The following ZNF292 variants were observed in gnomAD, a reference collection of about 807,000 sequenced individuals.
ZNF292 encodes the protein 16 zinc-finger domain protein.
In ZNF292, 26 loss-of-function variants were observed where a neutral mutation model predicts 217.9. The observed-to-expected ratio is 0.12, with a 90% CI of 0.09 to 0.17. The LOEUF (loss-of-function observed/expected upper bound fraction) is 0.17. ZNF292 is among the 10% of genes least tolerant of loss of function. The pLI is 1.00. For synonymous variants in ZNF292, 1,257 were observed against 1,124.1 expected (o/e 1.12, Z -2.37); for missense variants, 2,904 against 3,175.2 (o/e 0.91, Z 2.05).
chr6:87,176,735 C>G (rs1771309254), intron 1 of ZNF292, among the ~76,000 whole-genome samples: 1 of 152,174 alleles, frequency 6.6e-6, no homozygotes, highest in African/African-American at 2.4e-5. Flanking sequence ...GGTTGATAAT[C>G]CATGCTTTAC....
At chr6:87,174,871 A>G (rs187232220) in intron 1 of ZNF292, among the ~76,000 whole-genome samples, 4 of 152,320 alleles carry the variant, frequency 2.6e-5, no homozygotes, top group African/African-American at 9.6e-5. Flanking sequence ...ACTCAGTGCT[A>G]ATGTTTCTAA....
At chr6:87,243,637 G>A (rs1774425486) in intron 6 of ZNF292, 26 bp downstream of exon 6, 42 of 1,438,172 alleles carry the variant, frequency 2.9e-5, no homozygotes, top group Non-Finnish European at 3.6e-5. Context: ...TTTTTTTAAA[G>A]AAATATTTGT....
At position 87,261,882 on chromosome 6, in the gene ZNF292, T is replaced by G. The variant is rs1290037542; in HGVS notation, c.*81T>G. The G allele has an allele frequency of 5.8e-6, 6 of 1,027,420 alleles. No homozygotes were observed. In the Admixed American group the frequency reaches 1.9e-4, roughly 32 times the overall value. 63.6% of individuals were successfully genotyped at this position (1,027,420 alleles called of 1,614,324 possible). On this transcript the variant is annotated 3_prime_UTR_variant, in exon 8 of 8. Transcript: ENST00000369577. The stretch of plus-strand genomic sequence containing the variant: ...CAAGCATGCTAGAATTGTGAAACTT[T>G]CATTATATTTTTTTGTTGTTGACAT...
chr6:87,172,820 T>C (rs1234962599), intron 1 of ZNF292, among the ~76,000 whole-genome samples: 1 of 151,020 alleles, frequency 6.6e-6, no homozygotes, highest in Non-Finnish European at 1.5e-5. Flanking sequence ...AATGAGAGGA[T>C]CACCTGAGCC....
At chr6:87,193,251 G>T (rs1048155862) in intron 1 of ZNF292, among the ~76,000 whole-genome samples, 7 of 152,152 alleles carry the variant, frequency 4.6e-5, no homozygotes, top group Non-Finnish European at 8.8e-5. Context: ...CTGAGCTTAT[G>T]TAACAGGTCA....
chr6:87,193,079 T>G (rs562114594), intron 1 of ZNF292, among the ~76,000 whole-genome samples: 1 of 152,302 alleles, frequency 6.6e-6, no homozygotes, highest in African/African-American at 2.4e-5. Context: ...AGCCTCCACC[T>G]TTGGGCTCAA....
intron 1 of ZNF292, among the ~76,000 whole-genome samples, chr6:87,164,255 A>C (rs756368792): frequency 2.0e-5 from 3 of 152,194 alleles, no homozygotes; most frequent in Non-Finnish European, 4.4e-5. Context: ...TAAAGGCTTC[A>C]CTTGGGCTGG....
intron 1 of ZNF292, among the ~76,000 whole-genome samples, chr6:87,194,282 C>CATAA (rs2127784862): frequency 6.6e-6 from 1 of 151,972 alleles, no homozygotes; most frequent in East Asian, 1.9e-4. Context: ...TTTGAGTTCA[C>CATAA]TCTTAGACAT....
intron 7 of ZNF292, among the ~76,000 whole-genome samples, chr6:87,252,810 A>AG (rs1479252507): frequency 6.6e-6 from 1 of 152,210 alleles, no homozygotes; most frequent in Non-Finnish European, 1.5e-5. Flanking sequence ...AGATCTATCT[A>AG]GGAATAGTAT....
intron 1 of ZNF292, among the ~76,000 whole-genome samples, chr6:87,179,392 C>T (rs1204978859): frequency 1.3e-5 from 2 of 151,968 alleles, no homozygotes; most frequent in African/African-American, 4.8e-5. Context: ...AACTGCCAAC[C>T]TCAGGTGATC....
chr6:87,158,455 C>T (rs1439794414), intron 1 of ZNF292, among the ~76,000 whole-genome samples: 1 of 152,064 alleles, frequency 6.6e-6, no homozygotes, highest in Non-Finnish European at 1.5e-5. Flanking sequence ...GGGCGGATCG[C>T]TTGAGCCTGA....
intron 1 of ZNF292, among the ~76,000 whole-genome samples, chr6:87,202,062 A>T (rs2182182): frequency 0.92 from 140,532 of 152,284 alleles, 65,008 homozygotes; most frequent in East Asian, 1. Flanking sequence ...TGGCCTTTTG[A>T]ATGATTTTTA....
At chr6:87,220,792 C>T (rs1773044111) in intron 4 of ZNF292, among the ~76,000 whole-genome samples, 1 of 152,158 alleles carries the variant, frequency 6.6e-6, no homozygotes, top group Non-Finnish European at 1.5e-5. Context: ...TTCATCTTGT[C>T]ATAGCCACTG....
At chr6:87,169,710 C>T (rs754426585) in intron 1 of ZNF292, 1 of 443,862 alleles carries the variant, frequency 2.3e-6, no homozygotes, top group South Asian at 1.6e-5. Flanking sequence ...GCAGTGACGC[C>T]ATCAGAGCTC....
intron 6 of ZNF292, among the ~76,000 whole-genome samples, chr6:87,244,285 C>T (rs976803776): frequency 9.2e-5 from 14 of 152,118 alleles, no homozygotes; most frequent in East Asian, 3.9e-4. Flanking sequence ...CATTGAGCCT[C>T]GTTATGAAGG....
intron 1 of ZNF292, among the ~76,000 whole-genome samples, chr6:87,164,916 C>T (rs1730937485): frequency 6.7e-6 from 1 of 150,008 alleles, no homozygotes; most frequent in East Asian, 2.0e-4. Context: ...GCATGTGCCA[C>T]CATGCCCGTC....
rs568253629 is a variant in ZNF292, at chr6:87,158,462, C to T, written c.168+2703C>T. On this transcript the variant is annotated intron_variant, in intron 1 of 7. Coordinates refer to ENST00000369577, the MANE Select transcript of ZNF292 (RefSeq NM_015021.3). ...GCCGAGTTGGGCGGATCGCTTGAGC[C>T]TGAGCAGCATGGCGTGGCCCCTTCT... Among the ~76,000 whole-genome samples the T allele has an allele frequency of 2.2e-4, 33 of 152,176 alleles. 1 individual carries two copies. The highest frequency in any genetic ancestry group is 1.9e-3 in the Admixed American group (29 of 15,284).
chr6:87,257,750 A>G lies in ZNF292; in HGVS notation c.4121A>G (p.Lys1374Arg), dbSNP rs372403059. The change falls in exon 8 of 8, where the codon AAA becomes AGA. Residue 1374 changes from lysine (K) to arginine (R), a missense_variant. Around this residue, in one of 15 missense-constraint regions of ZNF292, gnomAD observed 23 missense variants for 51.3 expected, o/e 0.45. Transcript: ENST00000369577. The part of the protein sequence containing the change: ...AKWPAIIRDG[K>R]FICSRCYRAF... ...TGGCCTGCAATTATCAGAGATGGGA[A>G]ATTTATCTGTAGCAGGTGTTACAGG... The G allele has an allele frequency of 3.3e-5, 53 of 1,613,756 alleles. No homozygotes were observed. The highest frequency in any genetic ancestry group is 3.3e-4 in the Middle Eastern group (2 of 6,062).
At chr6:87,197,722 C>CAAAAAAAAAAAAAAAAAAAAAAAAATAAA (rs11312557) in intron 1 of ZNF292, among the ~76,000 whole-genome samples, 1 of 77,310 alleles carries the variant, frequency 1.3e-5, no homozygotes. Flanking sequence ...CTCGCTGTTT[C>CAAAAAAAAAAAAAAAAAAAAAAAAATAAA]AAAAAAAAAA....
Sources: allele counts gnomAD v4.1 joint callset (sites outside exome capture counted in the v4.1 genomes callset), GRCh38; gene constraint gnomAD v4.1.1; regional missense constraint gnomAD v4.1.1; transcripts MANE v1.5; gene names NCBI Gene and HGNC (gene_info 2026-07-23, HGNC 2026-07-21).